Variants in ADGRL3 observed in about 807,000 individuals in gnomAD.
ADGRL3 encodes calcium-independent alpha-latrotoxin receptor 3.
In ADGRL3, 62 loss-of-function variants were observed where a neutral mutation model predicts 153.5. The ratio of observed to expected loss-of-function variants is 0.40; its 90% CI spans 0.33 to 0.50. The LOEUF (loss-of-function observed/expected upper bound fraction) is 0.50. Ranked by LOEUF, ADGRL3 falls within the 20% of genes least tolerant of loss-of-function variation. ADGRL3 has a pLI of 0.47. For synonymous variants in ADGRL3, 710 were observed against 672.5 expected (o/e 1.06, Z -0.86); for missense variants, 1,641 against 1,859.4 (o/e 0.88, Z 2.16).
At chr4:61,791,032 G>C (rs1360247746) in intron 8 of ADGRL3, among the ~76,000 whole-genome samples, 2 of 152,120 alleles carry the variant, frequency 1.3e-5, no homozygotes, top group Non-Finnish European at 2.9e-5. Context: ...GATGAGATTT[G>C]GGTGGGGACA....
intron 13 of ADGRL3, among the ~76,000 whole-genome samples, chr4:61,919,106 C>T (rs1042135812): frequency 1.3e-5 from 2 of 152,100 alleles, no homozygotes; most frequent in African/African-American, 4.8e-5. Context: ...TGATACTATT[C>T]TGTGTGGCCT....
intron 15 of ADGRL3, 33 bp from the exon 16 acceptor site, chr4:61,946,881 G>A (rs1347486453): frequency 2.6e-6 from 4 of 1,509,800 alleles, no homozygotes; most frequent in East Asian, 2.3e-5. Context: ...TAAGTAGAGT[G>A]GACAAACTAA....
chr4:61,894,244 T>C (rs1440576502), intron 10 of ADGRL3, among the ~76,000 whole-genome samples: 1 of 152,154 alleles, frequency 6.6e-6, no homozygotes, highest in Admixed American at 6.5e-5. Context: ...ATTATTGATT[T>C]GGATACTTTA....
At chr4:61,216,242 T>G (rs1359072318) in intron 1 of ADGRL3, among the ~76,000 whole-genome samples, 11 of 152,176 alleles carry the variant, frequency 7.2e-5, no homozygotes, top group Admixed American at 7.2e-4. Flanking sequence ...ATGAAGATGT[T>G]TTGCATGATT....
In ADGRL3 at chr4:61,671,333, A is replaced by C. The variant is rs1580200167; in HGVS notation, c.474-5493A>C. On this transcript the variant is annotated intron_variant, in intron 5 of 26. Coordinates refer to ENST00000683033, the MANE Select transcript of ADGRL3 (RefSeq NM_001387552.1). ...TTAACAGTAAATGATTATCTTTCCT[A>C]ATACTAATCCTGTGATTTGGGAAGA... is the stretch of plus-strand genomic sequence containing the variant. Among the ~76,000 whole-genome samples, 3 of 152,192 alleles carry C rather than the reference A, an allele frequency of 2.0e-5. No individual in the cohort carries two copies. The South Asian group carries it at 6.2e-4, about 31-fold the overall frequency.
chr4:61,619,516 T>TGC (rs2092336293), intron 5 of ADGRL3, among the ~76,000 whole-genome samples: 1 of 149,438 alleles, frequency 6.7e-6, no homozygotes, highest in African/African-American at 2.5e-5. Flanking sequence ...GAATGTGAGA[T>TGC]ACACACACAC....
At chr4:61,960,394 AGT>A (rs1275619615) in intron 17 of ADGRL3, among the ~76,000 whole-genome samples, 3 of 152,128 alleles carry the variant, frequency 2.0e-5, no homozygotes, top group Admixed American at 1.3e-4. Flanking sequence ...CAAGGAGAAC[AGT>A]GTGGTTGGAG....
intron 2 of ADGRL3, among the ~76,000 whole-genome samples, chr4:61,398,878 G>A (rs1439986955): frequency 1.3e-5 from 2 of 151,388 alleles, no homozygotes; most frequent in African/African-American, 4.8e-5. Context: ...TGTCTTTTAT[G>A]TGTACTTTTT....
intron 17 of ADGRL3, among the ~76,000 whole-genome samples, chr4:61,974,924 C>T (rs1208979504): frequency 6.6e-6 from 1 of 152,078 alleles, no homozygotes; most frequent in Non-Finnish European, 1.5e-5. Flanking sequence ...GTTTAGTGGG[C>T]AGCATGATAC....
chr4:61,562,904 C>G (rs2098801026), intron 4 of ADGRL3, among the ~76,000 whole-genome samples: 1 of 146,548 alleles, frequency 6.8e-6, no homozygotes, highest in Admixed American at 6.9e-5. Flanking sequence ...ATGATTGCAC[C>G]ATTGCACTCC....
At chr4:61,356,431 AAC>A (rs1283036531) in intron 1 of ADGRL3, among the ~76,000 whole-genome samples, 3 of 152,092 alleles carry the variant, frequency 2.0e-5, no homozygotes, top group African/African-American at 7.2e-5. Flanking sequence ...TTAAGAAAAA[AAC>A]AAAATTATTT....
At chr4:61,330,291 G>A (rs772259210) in intron 1 of ADGRL3, among the ~76,000 whole-genome samples, 5 of 152,064 alleles carry the variant, frequency 3.3e-5, no homozygotes, top group African/African-American at 4.8e-5. Flanking sequence ...ATTTGAATTG[G>A]TAGACTGAGC....
At chr4:62,053,895 AT>A (rs1476971595) in intron 25 of ADGRL3, among the ~76,000 whole-genome samples, 1 of 151,434 alleles carries the variant, frequency 6.6e-6, no homozygotes, top group Non-Finnish European at 1.5e-5. Context: ...TAAATGTCAT[AT>A]TTTTTTCACT....
intron 1 of ADGRL3, among the ~76,000 whole-genome samples, chr4:61,251,778 A>ATT (rs202202996): frequency 2.2e-5 from 3 of 134,996 alleles, no homozygotes; most frequent in Admixed American, 7.4e-5. Context: ...CAACTCTAGG[A>ATT]TTTTTTTTTT....
At chr4:62,035,513 A>C (rs1447263011) in intron 23 of ADGRL3, among the ~76,000 whole-genome samples, 1 of 152,086 alleles carries the variant, frequency 6.6e-6, no homozygotes, top group Non-Finnish European at 1.5e-5. Context: ...GGGGGAAGTT[A>C]TGATCAAAGT....
chr4:61,874,999 G>A (rs1232816824), intron 9 of ADGRL3, among the ~76,000 whole-genome samples: 3 of 150,630 alleles, frequency 2.0e-5, no homozygotes, highest in African/African-American at 7.3e-5. Context: ...TAGTAGAGAC[G>A]GGGTTTCACC....
At chr4:61,209,040 G>A (rs1505659) in intron 1 of ADGRL3, among the ~76,000 whole-genome samples, 93,657 of 151,892 alleles carry the variant, frequency 0.62, 29,241 homozygotes, top group Admixed American at 0.68. Context: ...AACTATTTAA[G>A]AACTTTAAGT....
At chr4:61,820,194 A>T (rs777855240) in intron 9 of ADGRL3, among the ~76,000 whole-genome samples, 1 of 152,152 alleles carries the variant, frequency 6.6e-6, no homozygotes, top group South Asian at 2.1e-4. Flanking sequence ...AAAATGTTGT[A>T]CTCTCTGCAG....
intron 2 of ADGRL3, among the ~76,000 whole-genome samples, chr4:61,456,908 A>T (rs1193779022): frequency 6.6e-6 from 1 of 152,002 alleles, no homozygotes; most frequent in Non-Finnish European, 1.5e-5. Flanking sequence ...CTTTTGTAGG[A>T]GTAGGCTGTT....
Sources: allele counts gnomAD v4.1 joint callset (sites outside exome capture counted in the v4.1 genomes callset), GRCh38; gene constraint gnomAD v4.1.1; transcripts MANE v1.5; gene names NCBI Gene and HGNC (gene_info 2026-07-23, HGNC 2026-07-21).